The following CAPN8 variants were observed in gnomAD, a reference collection of about 807,000 sequenced individuals.
CAPN8 encodes calpain-8.
In CAPN8, 87 loss-of-function variants were observed where a neutral mutation model predicts 80.9. The ratio of observed to expected loss-of-function variants is 1.07; its 90% CI spans 0.90 to 1.28. The LOEUF (loss-of-function observed/expected upper bound fraction) is 1.28. CAPN8 is among the 50% of genes most tolerant of loss of function. The pLI, the probability that CAPN8 is intolerant of heterozygous loss-of-function variation, is 0.00. For missense variants in CAPN8, 757 were observed against 702.0 expected, an observed-to-expected ratio of 1.08 and a Z score of -0.89; for synonymous variants, 299 against 273.8, an observed-to-expected ratio of 1.09 and a Z score of -0.91.
chr1:223,549,253 TGGA>T, intron 16 of CAPN8, 62 bp downstream of exon 16: 1 of 1,529,468 alleles, frequency 6.5e-7, no homozygotes, highest in African/African-American at 1.4e-5. Context: ...CTGGAAAAGG[TGGA>T]GGAGTCTTTA....
chr1:223,616,925 T>C (rs975957993), intron 9 of CAPN8: 105 of 152,396 alleles, frequency 6.9e-4, no homozygotes, highest in African/African-American at 2.5e-3. Context: ...GATGGCTTTT[T>C]TTAAATCTCT....
In CAPN8 at chr1:223,622,913, T is replaced by C. The variant is rs373335184; in HGVS notation, c.814-13A>G. 3.1e-4 allele frequency: 485 copies of C among 1,547,944 alleles called. 2 individuals carry two copies. The highest frequency in any genetic ancestry group is 2.2e-4 in the Non-Finnish European group (248 of 1,143,684). The stretch of plus-strand genomic sequence containing the variant: ...CCTGGAAATTCACCTGCAAATTCCA[T>C]ACACAGAAAAGCGACTGAATTACTA... On this transcript the variant is annotated splice_polypyrimidine_tract_variant and intron_variant, in intron 6 of 20. Coordinates refer to ENST00000366872, the MANE Select transcript of CAPN8 (RefSeq NM_001143962.2).
chr1:223,656,685 T>TTTG (rs1553340192), intron 1 of CAPN8, among the ~76,000 whole-genome samples: 6 of 130,286 alleles, frequency 4.6e-5, no homozygotes, highest in East Asian at 2.4e-4. Context: ...TGTTTTGTTT[T>TTTG]TTTTTTTTTT....
intron 1 of CAPN8, among the ~76,000 whole-genome samples, chr1:223,658,173 T>C (rs6668723): frequency 0.094 from 14,309 of 152,180 alleles, 1,452 homozygotes; most frequent in East Asian, 0.27. Context: ...CTGCAGAATA[T>C]GCTGATGCTT....
At chr1:223,661,849 C>T (rs1464180652) in intron 1 of CAPN8, among the ~76,000 whole-genome samples, 1 of 152,158 alleles carries the variant, frequency 6.6e-6, no homozygotes, top group South Asian at 2.1e-4. Context: ...AGCAGGGTCT[C>T]AAAGAGAAGT....
chr1:223,621,848 T>TTTCTG (rs2102707189), intron 7 of CAPN8, among the ~76,000 whole-genome samples: 1 of 152,180 alleles, frequency 6.6e-6, no homozygotes, highest in African/African-American at 2.4e-5. Context: ...TCTTTGTCCA[T>TTTCTG]GAGACTGGCT....
chr1:223,610,764 C>T (rs1279543892), intron 11 of CAPN8, among the ~76,000 whole-genome samples: 3 of 152,072 alleles, frequency 2.0e-5, no homozygotes, highest in African/African-American at 7.2e-5. Flanking sequence ...GGTCCCTGGC[C>T]CCCACATCTG....
intron 8 of CAPN8, 101 bp downstream of exon 8, chr1:223,620,091 C>G (rs955029946): frequency 1.6e-5 from 15 of 951,450 alleles, no homozygotes; most frequent in Non-Finnish European, 2.3e-5. Context: ...GATCAGGAAC[C>G]ATGTCGCCTT....
chr1:223,623,998 GAA>G (rs71702521), intron 6 of CAPN8, among the ~76,000 whole-genome samples: 2 of 132,238 alleles, frequency 1.5e-5, no homozygotes. Context: ...GACTCCACCT[GAA>G]AAAAAAAAAA....
chr1:223,618,155 G>A, intron 9 of CAPN8: 2 of 1,423,722 alleles, frequency 1.4e-6, no homozygotes, highest in Admixed American at 2.0e-5. Context: ...CAGGGAACAT[G>A]GGGAGCAGGA....
intron 17 of CAPN8, 88 bp downstream of exon 17, chr1:223,545,143 G>C: frequency 6.5e-7 from 1 of 1,540,508 alleles, no homozygotes; most frequent in Non-Finnish European, 8.8e-7. Flanking sequence ...CCATGATTAA[G>C]GATGTGGTCA....
At chr1:223,632,967 C>A (rs1219803986) in intron 2 of CAPN8, among the ~76,000 whole-genome samples, 1 of 152,172 alleles carries the variant, frequency 6.6e-6, no homozygotes, top group Non-Finnish European at 1.5e-5. Flanking sequence ...CCACACTGTG[C>A]TTGGAGGTGC....
At chr1:223,616,392 A>G (rs781200026) in intron 9 of CAPN8, among the ~76,000 whole-genome samples, 11 of 152,160 alleles carry the variant, frequency 7.2e-5, no homozygotes, top group Admixed American at 1.3e-4. Flanking sequence ...CATTTGATCA[A>G]CGAGGAGCCC....
intron 1 of CAPN8, among the ~76,000 whole-genome samples, chr1:223,655,317 T>C (rs1339239193): frequency 6.6e-6 from 1 of 152,194 alleles, no homozygotes; most frequent in Non-Finnish European, 1.5e-5. Context: ...TGACCTGCAC[T>C]TCCTCCACTC....
intron 1 of CAPN8, among the ~76,000 whole-genome samples, chr1:223,656,676 GTTTTGTTTTTTTTTTT>G (rs1658500175): frequency 1.1e-5 from 1 of 88,338 alleles, no homozygotes; most frequent in Non-Finnish European, 2.3e-5. Context: ...GGGTTTTTTT[GTTTTGTTTTTTTTTTT>G]TTTTTTTTTG....
intron 1 of CAPN8, among the ~76,000 whole-genome samples, chr1:223,658,384 T>C (rs146730934): frequency 6.6e-6 from 1 of 152,164 alleles, no homozygotes; most frequent in Admixed American, 6.5e-5. Context: ...AGATGGAATG[T>C]CCATTTTACT....
intron 2 of CAPN8, among the ~76,000 whole-genome samples, chr1:223,643,738 A>G (rs1010659064): frequency 1.3e-5 from 2 of 152,226 alleles, no homozygotes; most frequent in African/African-American, 4.8e-5. Flanking sequence ...GAGGACAGCT[A>G]GCAGAAGCTC....
intron 9 of CAPN8, among the ~76,000 whole-genome samples, chr1:223,618,914 G>A (rs1657288234): frequency 6.6e-6 from 1 of 152,228 alleles, no homozygotes; most frequent in Non-Finnish European, 1.5e-5. Context: ...ATAGGGCTGG[G>A]CACGGTGGCT....
intron 20 of CAPN8, among the ~76,000 whole-genome samples, chr1:223,542,061 A>G (rs975130458): frequency 6.6e-6 from 1 of 152,114 alleles, no homozygotes; most frequent in African/African-American, 2.4e-5. Flanking sequence ...GTGACTCAGA[A>G]AAAGCTCTAG....
Sources: allele counts gnomAD v4.1 joint callset (sites outside exome capture counted in the v4.1 genomes callset), GRCh38; gene constraint gnomAD v4.1.1; transcripts MANE v1.5; gene names NCBI Gene and HGNC (gene_info 2026-07-23, HGNC 2026-07-21).